The following HMGA2 variants were observed in gnomAD, a reference collection of about 807,000 sequenced individuals.
The protein encoded by HMGA2 is high mobility group protein HMGI-C.
HMGA2 carries 8 observed loss-of-function variants against 19.1 expected under a neutral mutation model. The ratio of observed to expected loss-of-function variants is 0.42; its 90% CI spans 0.25 to 0.76. The LOEUF (loss-of-function observed/expected upper bound fraction) is 0.76, where lower values mean the gene tolerates loss of function less well. Among genes scored for constraint, HMGA2 ranks in the 30% least tolerant of loss-of-function variants. HMGA2 has a pLI of 0.28. For missense variants in HMGA2, 109 were observed against 136.3 expected, an observed-to-expected ratio of 0.80 and a Z score of 1.00; for synonymous variants, 60 against 48.8, an observed-to-expected ratio of 1.23 and a Z score of -0.96.
intron 3 of HMGA2, chr12:65,877,059 C>T (rs560461705): frequency 3.3e-5 from 5 of 152,336 alleles, no homozygotes; most frequent in Admixed American, 2.6e-4. Context: ...CCATACATCA[C>T]CTTCCTGGTT....
intron 3 of HMGA2, chr12:65,942,607 A>G (rs1876128348): frequency 6.6e-6 from 1 of 152,130 alleles, no homozygotes; most frequent in Non-Finnish European, 1.5e-5. Flanking sequence ...TGAAAAGTCA[A>G]CTTCTGAGAC....
intron 4 of HMGA2, among the ~76,000 whole-genome samples, chr12:65,959,203 A>G (rs901192061): frequency 2.6e-5 from 4 of 152,198 alleles, no homozygotes; most frequent in African/African-American, 7.2e-5. Flanking sequence ...TTTTTAATCT[A>G]TTAGAAGAAG....
intron 3 of HMGA2, among the ~76,000 whole-genome samples, chr12:65,924,769 G>C (rs753412166): frequency 8.5e-5 from 13 of 152,140 alleles, no homozygotes; most frequent in Non-Finnish European, 1.2e-4. Context: ...CTGCACTCCA[G>C]CCTGGCAGTA....
intron 3 of HMGA2, among the ~76,000 whole-genome samples, chr12:65,899,006 G>C (rs748789210): frequency 7.3e-6 from 1 of 137,878 alleles, no homozygotes; most frequent in African/African-American, 2.9e-5. Flanking sequence ...ATCGTGCCAC[G>C]GCACTCCAGC....
intron 3 of HMGA2, among the ~76,000 whole-genome samples, chr12:65,908,101 G>A (rs1179282843): frequency 2.0e-5 from 3 of 152,178 alleles, no homozygotes; most frequent in Non-Finnish European, 4.4e-5. Context: ...ACAATCAAGT[G>A]TACCAAGAAT....
intron 3 of HMGA2, among the ~76,000 whole-genome samples, chr12:65,866,583 T>C (rs1400901436): frequency 6.6e-6 from 1 of 152,172 alleles, no homozygotes; most frequent in Non-Finnish European, 1.5e-5. Flanking sequence ...GTTGCAGGTG[T>C]CTTAAGAGTC....
chr12:65,883,144 A>C (rs1378155415), intron 3 of HMGA2, among the ~76,000 whole-genome samples: 2 of 152,340 alleles, frequency 1.3e-5, no homozygotes, highest in East Asian at 3.9e-4. Flanking sequence ...GATGGAAAAC[A>C]CTTCCTAAGA....
At chr12:65,838,463 G>C (rs1028371641) in intron 2 of HMGA2, 56 bp from the exon 3 acceptor site, 20 of 1,287,610 alleles carry the variant, frequency 1.6e-5, no homozygotes, top group Non-Finnish European at 2.3e-5. Context: ...CCTTGGTGCA[G>C]TACTTATAAA....
chr12:65,874,771 C>T (rs1282407904), intron 3 of HMGA2, among the ~76,000 whole-genome samples: 1 of 152,178 alleles, frequency 6.6e-6, no homozygotes, highest in African/African-American at 2.4e-5. Flanking sequence ...TAAACATTTT[C>T]ACAAGTACGC....
At chr12:65,844,823 A>G (rs1871168432) in intron 3 of HMGA2, among the ~76,000 whole-genome samples, 1 of 152,214 alleles carries the variant, frequency 6.6e-6, no homozygotes, top group Non-Finnish European at 1.5e-5. Flanking sequence ...TCACCAAGGA[A>G]GAAGAGATTT....
intron 2 of HMGA2, among the ~76,000 whole-genome samples, chr12:65,834,354 CTA>C (rs1256387404): frequency 1.3e-5 from 2 of 152,138 alleles, no homozygotes; most frequent in East Asian, 3.9e-4. Context: ...TATCATGGGG[CTA>C]TGTCTTTGGG....
Position 65,825,083 on chromosome 12 carries a change from C to T in HMGA2, c.-188C>T. On this transcript the variant is annotated 5_prime_UTR_variant, in exon 1 of 5. Transcript: ENST00000403681. The surrounding 1 kb of genome is among the most constrained non-coding windows in gnomAD (Gnocchi z 4.4). ...TCCCCTCTTCTCTTTTTGGCAGCCG[C>T]TGGACGTCCGGTGTTGATGGTGGCA... 2.0e-6 allele frequency: 1 copy of T among 511,010 alleles called. No homozygotes were observed. Among genetic ancestry groups the T allele is most frequent in the East Asian group, 3.5e-5 (1 of 28,376 alleles). 31.7% of individuals were successfully genotyped at this position (511,010 alleles called of 1,614,324 possible).
intron 3 of HMGA2, among the ~76,000 whole-genome samples, chr12:65,865,610 C>A (rs947996305): frequency 6.6e-6 from 1 of 150,704 alleles, no homozygotes; most frequent in Admixed American, 6.6e-5. Flanking sequence ...ACATTCTAAG[C>A]GTCTGTATCT....
At chr12:65,956,053 G>C (rs1210918129) in intron 4 of HMGA2, 1 of 151,850 alleles carries the variant, frequency 6.6e-6, no homozygotes, top group Non-Finnish European at 1.5e-5. Flanking sequence ...GAGGAAAGGG[G>C]AAAGCATTCT....
chr12:65,856,036 T>C (rs1281303429), intron 3 of HMGA2: 1 of 152,192 alleles, frequency 6.6e-6, no homozygotes, highest in South Asian at 2.1e-4. Flanking sequence ...TTTTTGACAA[T>C]CTTGGAAGTG....
intron 3 of HMGA2, among the ~76,000 whole-genome samples, chr12:65,920,224 T>G (rs1406107504): frequency 6.6e-6 from 1 of 152,088 alleles, no homozygotes; most frequent in Non-Finnish European, 1.5e-5. Context: ...AGTCTGAGGA[T>G]GTGCACAGGA....
chr12:65,825,170 C>T lies in HMGA2; in HGVS notation c.-101C>T. 2 of 1,016,262 alleles carry T rather than the reference C, an allele frequency of 2.0e-6. No individual in the cohort carries two copies. The highest frequency in any genetic ancestry group is 1.4e-6 in the Non-Finnish European group (1 of 724,074). 63.0% of individuals were successfully genotyped at this position (1,016,262 alleles called of 1,614,324 possible). ...CGCCAGCTCGCGCTCGCCCCGCCGG[C>T]GTCCCCAGCCCTATCACCTCATCTC... is the stretch of plus-strand genomic sequence containing the variant. On this transcript the variant is annotated 5_prime_UTR_variant, in exon 1 of 5. Transcript: ENST00000403681. This position sits in a 1 kb window ranked among gnomAD's most constrained non-coding sequence, Gnocchi z 4.4.
intron 3 of HMGA2, among the ~76,000 whole-genome samples, chr12:65,948,935 G>GT (rs1592463783): frequency 6.6e-6 from 1 of 152,208 alleles, no homozygotes; most frequent in African/African-American, 2.4e-5. Context: ...TTTCTGAGCA[G>GT]TAGGAACCAG....
intron 3 of HMGA2, among the ~76,000 whole-genome samples, chr12:65,870,718 T>G (rs1375891569): frequency 1.3e-5 from 2 of 152,112 alleles, no homozygotes; most frequent in African/African-American, 2.4e-5. Flanking sequence ...AGGGGGAGAC[T>G]CCATCTAAAA....
Sources: allele counts gnomAD v4.1 joint callset (sites outside exome capture counted in the v4.1 genomes callset), GRCh38; gene constraint gnomAD v4.1.1; non-coding constraint Gnocchi (gnomAD v3.1); transcripts MANE v1.5; gene names NCBI Gene and HGNC (gene_info 2026-07-23, HGNC 2026-07-21).